The following GRIP1 variants were observed in gnomAD, a reference collection of about 807,000 sequenced individuals.
The protein encoded by GRIP1 is glutamate receptor-interacting protein 1.
GRIP1 carries 45 observed loss-of-function variants against 129.9 expected under a neutral mutation model. That is an observed-to-expected ratio of 0.35 (90% CI 0.27 to 0.44). The LOEUF is 0.44. Among genes scored for constraint, GRIP1 ranks in the 20% least tolerant of loss-of-function variants. The pLI is 1.00. For missense variants in GRIP1, 1,196 were observed against 1,396.8 expected (o/e 0.86, Z 2.29); for synonymous variants, 530 against 520.8 (o/e 1.02, Z -0.24).
intron 1 of GRIP1, among the ~76,000 whole-genome samples, chr12:66,649,869 TC>T (rs2032662399): frequency 6.6e-6 from 1 of 152,232 alleles, no homozygotes; most frequent in Non-Finnish European, 1.5e-5. Flanking sequence ...TGGGCTCCTT[TC>T]CTTCTGTGGA....
chr12:66,689,005 T>C (rs1488947701), intron 1 of GRIP1, among the ~76,000 whole-genome samples: 1 of 152,054 alleles, frequency 6.6e-6, no homozygotes, highest in Non-Finnish European at 1.5e-5. Context: ...CACCTTCCCT[T>C]TCAGGTCTGC....
chr12:66,599,672 A>T (rs1276841978), intron 1 of GRIP1, among the ~76,000 whole-genome samples: 1 of 151,454 alleles, frequency 6.6e-6, no homozygotes, highest in Non-Finnish European at 1.5e-5. Flanking sequence ...TCCAGGGTGC[A>T]TTTCAAACCC....
chr12:66,779,170 A>G (rs1485580732), intron 1 of GRIP1, among the ~76,000 whole-genome samples: 1 of 152,204 alleles, frequency 6.6e-6, no homozygotes, highest in Non-Finnish European at 1.5e-5. Flanking sequence ...AAGTTGCCCA[A>G]GGACAATTTG....
At chr12:66,376,527 T>C (rs1288683893) in intron 22 of GRIP1, among the ~76,000 whole-genome samples, 2 of 152,206 alleles carry the variant, frequency 1.3e-5, no homozygotes, top group Non-Finnish European at 2.9e-5. Context: ...TTACATTCCA[T>C]CTCGTTCTTC....
At chr12:66,413,648 G>C (rs776320493) in intron 15 of GRIP1, among the ~76,000 whole-genome samples, 5 of 151,924 alleles carry the variant, frequency 3.3e-5, no homozygotes, top group African/African-American at 1.2e-4. Context: ...ACAACAGCAA[G>C]TAAAAACTTC....
chr12:66,463,737 T>C (rs563444080), intron 8 of GRIP1, among the ~76,000 whole-genome samples: 1 of 152,186 alleles, frequency 6.6e-6, no homozygotes, highest in East Asian at 1.9e-4. Context: ...AGGGGAAAGA[T>C]GGGGGCAGGG....
intron 1 of GRIP1, among the ~76,000 whole-genome samples, chr12:67,062,703 T>C (rs1166972696): frequency 6.6e-6 from 1 of 152,232 alleles, no homozygotes; most frequent in Non-Finnish European, 1.5e-5. Context: ...CATCCCATCA[T>C]GGCACTTTGG....
At chr12:66,692,662 T>C (rs1000806406) in intron 1 of GRIP1, among the ~76,000 whole-genome samples, 7 of 152,290 alleles carry the variant, frequency 4.6e-5, no homozygotes, top group African/African-American at 1.7e-4. Context: ...CACATTGTCA[T>C]GGCAGAGAGG....
At chr12:66,480,072 C>A (rs545122146) in intron 7 of GRIP1, among the ~76,000 whole-genome samples, 2 of 152,172 alleles carry the variant, frequency 1.3e-5, no homozygotes, top group South Asian at 2.1e-4. Flanking sequence ...CTGGCCAGGG[C>A]AATCAGGAAG....
chr12:66,794,582 T>G (rs2038642382), intron 1 of GRIP1, among the ~76,000 whole-genome samples: 1 of 152,168 alleles, frequency 6.6e-6, no homozygotes, highest in Non-Finnish European at 1.5e-5. Context: ...TTCACAGACT[T>G]AAATACTTAC....
chr12:66,571,323 T>C (rs1468037045), intron 2 of GRIP1, among the ~76,000 whole-genome samples: 1 of 152,302 alleles, frequency 6.6e-6, no homozygotes, highest in South Asian at 2.1e-4. Flanking sequence ...ATAACAACTT[T>C]GTGTTAAAAT....
At chr12:66,787,575 C>T (rs1454635888) in intron 1 of GRIP1, among the ~76,000 whole-genome samples, 2 of 152,088 alleles carry the variant, frequency 1.3e-5, no homozygotes, top group African/African-American at 4.8e-5. Flanking sequence ...GGGCAGGGCA[C>T]AGCTTCATGG....
At chr12:66,519,473 A>C (rs1347350789) in intron 5 of GRIP1, among the ~76,000 whole-genome samples, 1 of 152,212 alleles carries the variant, frequency 6.6e-6, no homozygotes, top group East Asian at 1.9e-4. Flanking sequence ...TGAGAAAAGG[A>C]TGGGGGTCAA....
chr12:66,933,515 C>G (rs1038835358), intron 1 of GRIP1, among the ~76,000 whole-genome samples: 4 of 152,026 alleles, frequency 2.6e-5, no homozygotes, highest in Non-Finnish European at 5.9e-5. Context: ...TACAGTTTAA[C>G]CAGGGTATAC....
In GRIP1 at chr12:66,526,946, C is replaced by T. The variant is rs1166602784; in HGVS notation, c.502+2885G>A. Among the ~76,000 whole-genome samples the T allele has an allele frequency of 5.8e-5, 8 of 137,004 alleles. 2 individuals carry two copies. The highest frequency in any genetic ancestry group is 4.8e-5 in the Non-Finnish European group (3 of 62,216). 89.9% of individuals were successfully genotyped at this position (137,004 alleles called of 152,430 possible). A position where few individuals can be genotyped will look rare whatever the true frequency, so the allele number is the denominator to read the frequency against. ...AGAAATGCTCATCATCACTGGCCATCAGAGAAATGCAAATCAAAACCAGAA... is the reference window on the plus strand; with the variant it reads ...AGAAATGCTCATCATCACTGGCCATTAGAGAAATGCAAATCAAAACCAGAA... On this transcript the variant is annotated intron_variant, in intron 5 of 24. Coordinates refer to ENST00000359742, the MANE Select transcript of GRIP1 (RefSeq NM_001366722.1).
At chr12:66,934,670 T>A (rs1355331502) in intron 1 of GRIP1, among the ~76,000 whole-genome samples, 2 of 152,226 alleles carry the variant, frequency 1.3e-5, no homozygotes, top group African/African-American at 4.8e-5. Flanking sequence ...CTGTCTACCA[T>A]GGAATATTTA....
intron 1 of GRIP1, among the ~76,000 whole-genome samples, chr12:66,708,381 T>C (rs1329603482): frequency 6.6e-6 from 1 of 152,036 alleles, no homozygotes; most frequent in African/African-American, 2.4e-5. Context: ...AGCTACCTAA[T>C]GAAGAGTGTC....
At chr12:66,578,233 T>TTTTTTG (rs1491290088) in intron 2 of GRIP1, among the ~76,000 whole-genome samples, 2 of 14,214 alleles carry the variant, frequency 1.4e-4, no homozygotes, top group African/African-American at 3.1e-4. Flanking sequence ...AAAACCGCGG[T>TTTTTTG]TTTTTTTTTT....
At chr12:66,451,623 T>C (rs1193831371) in intron 11 of GRIP1, among the ~76,000 whole-genome samples, 1 of 151,950 alleles carries the variant, frequency 6.6e-6, no homozygotes, top group Non-Finnish European at 1.5e-5. Context: ...TTGCCCAAAC[T>C]GGTCTCAAAC....
Sources: allele counts gnomAD v4.1 joint callset (sites outside exome capture counted in the v4.1 genomes callset), GRCh38; gene constraint gnomAD v4.1.1; transcripts MANE v1.5; gene names NCBI Gene and HGNC (gene_info 2026-07-23, HGNC 2026-07-21).